Variants in HDAC9 observed in about 807,000 individuals in gnomAD.
HDAC9 encodes histone deacetylase 9.
HDAC9 carries 41 observed loss-of-function variants against 139.4 expected under a neutral mutation model. The ratio of observed to expected loss-of-function variants is 0.29; its 90% confidence interval spans 0.23 to 0.38. The LOEUF (loss-of-function observed/expected upper bound fraction) is 0.38. Among genes scored for constraint, HDAC9 ranks in the 10% least tolerant of loss-of-function variants. HDAC9 has a pLI of 1.00. For missense variants in HDAC9, 1,147 were observed against 1,297.0 expected, an observed-to-expected ratio of 0.88 and a Z score of 1.78; for synonymous variants, 517 against 476.2, an observed-to-expected ratio of 1.09 and a Z score of -1.12.
chr7:18,846,674 G>A (rs983782383), intron 21 of HDAC9, among the ~76,000 whole-genome samples: 2 of 152,148 alleles, frequency 1.3e-5, no homozygotes, highest in African/African-American at 4.8e-5. Flanking sequence ...ATTACTGCAT[G>A]TATTGGACCT....
intron 2 of HDAC9, among the ~76,000 whole-genome samples, chr7:18,560,126 G>T (rs1448938552): frequency 6.6e-6 from 1 of 152,030 alleles, no homozygotes; most frequent in African/African-American, 2.4e-5. Context: ...CATTTCTGGA[G>T]ATCTCAAGAT....
At chr7:18,359,183 C>A (rs539185109) in intron 1 of HDAC9, among the ~76,000 whole-genome samples, 3 of 152,178 alleles carry the variant, frequency 2.0e-5, no homozygotes, top group African/African-American at 4.8e-5. Context: ...TGGCAAAACC[C>A]CATCTCTACT....
chr7:18,564,959 T>TTTTA (rs145259249), intron 2 of HDAC9, among the ~76,000 whole-genome samples: 426 of 141,270 alleles, frequency 3.0e-3, no homozygotes, highest in East Asian at 5.3e-3. Flanking sequence ...AATAAATGTA[T>TTTTA]TTTATTTATT....
At chr7:18,612,473 G>C (rs1837430817) in intron 6 of HDAC9, among the ~76,000 whole-genome samples, 1 of 151,956 alleles carries the variant, frequency 6.6e-6, no homozygotes, top group Non-Finnish European at 1.5e-5. Flanking sequence ...AGATAGAGAA[G>C]GGGTGGGGAA....
intron 2 of HDAC9, among the ~76,000 whole-genome samples, chr7:18,209,543 G>A (rs187339291): frequency 2.1e-3 from 313 of 152,128 alleles, no homozygotes; most frequent in Non-Finnish European, 3.1e-3. Context: ...ACTATTATCC[G>A]GGCAAAATTG....
At chr7:18,333,508 T>C (rs1447046097) in intron 1 of HDAC9, among the ~76,000 whole-genome samples, 1 of 151,480 alleles carries the variant, frequency 6.6e-6, no homozygotes, top group East Asian at 1.9e-4. Context: ...GTCATCAGGA[T>C]ATAAACCTCA....
chr7:18,893,797 G>A (rs979331298), intron 22 of HDAC9, among the ~76,000 whole-genome samples: 3 of 152,128 alleles, frequency 2.0e-5, no homozygotes, highest in African/African-American at 7.2e-5. Context: ...TTTTAAAAGG[G>A]TGATCAGAAA....
rs1447242374 is a variant in HDAC9 at position 18,521,377 on chromosome 7, T to A, written c.22+25053T>A. ...TTTTTAAGAAGAAAAACACTTCTTGTTTCGTTTTATTTCCCAAGGGAGATA... is the reference window on the plus strand; with the variant it reads ...TTTTTAAGAAGAAAAACACTTCTTGATTCGTTTTATTTCCCAAGGGAGATA... On this transcript the variant is annotated intron_variant, in intron 2 of 25. Transcript: ENST00000686413. Among the ~76,000 whole-genome samples, 3 of 152,288 alleles carry A rather than the reference T, an allele frequency of 2.0e-5. No individual in the cohort carries two copies. In the East Asian group the frequency reaches 5.8e-4, roughly 29 times the overall value.
Position 18,771,178 on chromosome 7 carries a change from G to T in HDAC9, c.2214+4023G>T, listed in dbSNP as rs138115390. Among the ~76,000 whole-genome samples the T allele has an allele frequency of 2.8e-3, 420 of 152,152 alleles. 2 individuals are homozygous for T. Among genetic ancestry groups the T allele is most frequent in the African/African-American group, 9.4e-3 (391 of 41,526 alleles). On this transcript the variant is annotated intron_variant, in intron 16 of 25. Coordinates refer to ENST00000686413, the MANE Select transcript of HDAC9 (RefSeq NM_178425.4). ...AGATATGCAAAAAGAGGCTCTAAAA[G>T]GTTTAATGAAGGCACCTTCTCCAGC...
At chr7:18,654,334 CT>C (rs1443519564) in intron 11 of HDAC9, among the ~76,000 whole-genome samples, 1 of 152,144 alleles carries the variant, frequency 6.6e-6, no homozygotes, top group African/African-American at 2.4e-5. Flanking sequence ...GTTTTAGGCA[CT>C]GTGCATCTTT....
chr7:18,291,936 A>T (rs1797836033), intron 1 of HDAC9, among the ~76,000 whole-genome samples: 1 of 152,068 alleles, frequency 6.6e-6, no homozygotes. Context: ...GGTTTAGGCA[A>T]CACTGTTGGG....
At chr7:18,275,828 T>A (rs563778531) in intron 2 of HDAC9, among the ~76,000 whole-genome samples, 1 of 152,234 alleles carries the variant, frequency 6.6e-6, no homozygotes, top group Non-Finnish European at 1.5e-5. Context: ...CGTTTTTGTT[T>A]ATAGCACTTC....
chr7:18,260,734 C>T (rs1014011343), intron 2 of HDAC9, among the ~76,000 whole-genome samples: 8 of 152,142 alleles, frequency 5.3e-5, no homozygotes, highest in African/African-American at 1.7e-4. Flanking sequence ...ATTTATTGCT[C>T]AAGAGTAAGA....
At chr7:18,450,995 G>A (rs920463587) in intron 1 of HDAC9, among the ~76,000 whole-genome samples, 6 of 152,086 alleles carry the variant, frequency 3.9e-5, no homozygotes, top group Admixed American at 2.0e-4. Flanking sequence ...TATACATACC[G>A]CTGTGGTCTG....
At chr7:18,546,064 T>C (rs1241373959) in intron 2 of HDAC9, among the ~76,000 whole-genome samples, 1 of 152,234 alleles carries the variant, frequency 6.6e-6, no homozygotes, top group Non-Finnish European at 1.5e-5. Flanking sequence ...TGCAGGAATA[T>C]GTGAACGGGA....
chr7:18,194,938 TTG>T (rs112692661), intron 2 of HDAC9, among the ~76,000 whole-genome samples: 49 of 148,424 alleles, frequency 3.3e-4, no homozygotes, highest in East Asian at 3.9e-4. Flanking sequence ...CTTTATAGTT[TTG>T]TGTGTGTGTG....
chr7:18,253,073 A>C (rs1795021445), intron 2 of HDAC9, among the ~76,000 whole-genome samples: 1 of 152,206 alleles, frequency 6.6e-6, no homozygotes, highest in Non-Finnish European at 1.5e-5. Context: ...GTTCCTGCAA[A>C]TGACATGACC....
In HDAC9 at chr7:18,395,841, G is replaced by T. The variant is rs531044252; in HGVS notation, c.-41-100421G>T. Among the ~76,000 whole-genome samples the T allele has an allele frequency of 2.0e-5, 3 of 152,192 alleles. No homozygotes were observed. In the South Asian group the frequency reaches 6.2e-4, roughly 32 times the overall value. On this transcript the variant is annotated intron_variant, in intron 1 of 3. Coordinates refer to the HDAC9 transcript ENST00000413509. ...GTTTTGATCTGTAGAATTTCATGTT[G>T]ATACCATTAACATTTGATGCCATTT...
At chr7:18,364,770 A>G (rs550357260) in intron 1 of HDAC9, among the ~76,000 whole-genome samples, 1 of 152,242 alleles carries the variant, frequency 6.6e-6, no homozygotes, top group South Asian at 2.1e-4. Context: ...TTCCTGCTAG[A>G]CCTTTAGTGG....
Sources: gnomAD v4.1 joint callset for allele counts (sites outside exome capture counted in the v4.1 genomes callset) on GRCh38, gnomAD v4.1.1 for gene constraint, MANE v1.5 for transcripts, NCBI Gene and HGNC (gene_info 2026-07-23, HGNC 2026-07-21) for gene names.